KLHL22: variants seen among roughly 807,000 people sequenced by gnomAD.
The protein encoded by KLHL22 is kelch-like protein 22.
KLHL22 carries 18 observed loss-of-function variants against 60.7 expected under a neutral mutation model. The observed-to-expected ratio is 0.30, with a 90% CI of 0.20 to 0.44. The LOEUF (loss-of-function observed/expected upper bound fraction) is 0.44. Among genes scored for constraint, KLHL22 ranks in the 20% least tolerant of loss-of-function variants. The pLI is 1.00. For missense variants in KLHL22, 596 were observed against 852.3 expected, an observed-to-expected ratio of 0.70 and a Z score of 3.74; for synonymous variants, 355 against 354.5, an observed-to-expected ratio of 1.00 and a Z score of -0.01.
chr22:20,491,219 T>G (rs372797503), intron 1 of KLHL22: 2 of 152,238 alleles, frequency 1.3e-5, no homozygotes, highest in South Asian at 2.1e-4. Flanking sequence ...TTTAGGAGCC[T>G]CCATGTGTTC....
chr22:20,457,449 C>T (rs978250251), intron 5 of KLHL22, among the ~76,000 whole-genome samples: 3 of 152,058 alleles, frequency 2.0e-5, no homozygotes, highest in African/African-American at 7.2e-5. Context: ...TGGAAGTGTC[C>T]CAGCTCGTCT....
intron 1 of KLHL22, chr22:20,492,055 C>G (rs1042814914): frequency 2.0e-5 from 3 of 152,380 alleles, no homozygotes; most frequent in African/African-American, 7.2e-5. Flanking sequence ...TGACCTCTCT[C>G]TTTCATCCCA....
chr22:20,485,809 A>C (rs947635400), intron 2 of KLHL22, among the ~76,000 whole-genome samples: 2 of 151,994 alleles, frequency 1.3e-5, no homozygotes, highest in African/African-American at 4.8e-5. Context: ...CAGAGGTTGC[A>C]GTGAGCCGAG....
chr22:20,459,104 C>G (rs1456039204), intron 4 of KLHL22, among the ~76,000 whole-genome samples: 1 of 152,214 alleles, frequency 6.6e-6, no homozygotes, highest in African/African-American at 2.4e-5. Context: ...GAGCTCAAAG[C>G]CAGTATCTGA....
chr22:20,489,295 C>T (rs1187766196), intron 1 of KLHL22, 51 bp from the exon 2 acceptor site: 1 of 1,343,026 alleles, frequency 7.4e-7, no homozygotes, highest in Admixed American at 1.9e-5. Context: ...GCATCAGCCC[C>T]ACCACACACA....
intron 5 of KLHL22, among the ~76,000 whole-genome samples, chr22:20,455,922 G>T (rs547161596): frequency 4.5e-4 from 69 of 152,326 alleles, no homozygotes; most frequent in African/African-American, 1.6e-3. Context: ...TCCCATGCCA[G>T]TTGGGGCGAT....
chr22:20,451,643 C>A, intron 5 of KLHL22: 1 of 1,606,058 alleles, frequency 6.2e-7, no homozygotes, highest in East Asian at 2.2e-5. Context: ...ATGACCACTC[C>A]ACGATGCTAT....
At chr22:20,447,221 G>A (rs1159344541) in intron 5 of KLHL22, among the ~76,000 whole-genome samples, 1 of 152,174 alleles carries the variant, frequency 6.6e-6, no homozygotes, top group East Asian at 1.9e-4. Flanking sequence ...CCTCTGTTGG[G>A]CTATCTCCAT....
At chr22:20,494,369 G>A (rs976274241) in intron 1 of KLHL22, among the ~76,000 whole-genome samples, 3 of 151,986 alleles carry the variant, frequency 2.0e-5, no homozygotes, top group Non-Finnish European at 4.4e-5. Flanking sequence ...TCACCACTGC[G>A]CCCGGCTAAT....
At chr22:20,486,670 G>A (rs1226209348) in intron 2 of KLHL22, among the ~76,000 whole-genome samples, 1 of 149,302 alleles carries the variant, frequency 6.7e-6, no homozygotes, top group African/African-American at 2.5e-5. Flanking sequence ...CTTGGGAATG[G>A]TCTATTTCTT....
At chr22:20,482,011 G>C (rs548003853) in intron 2 of KLHL22, 1 of 152,286 alleles carries the variant, frequency 6.6e-6, no homozygotes, top group East Asian at 1.9e-4. Context: ...TGGGAGTTTT[G>C]ACCTGGTCCA....
At position 20,492,231 on chromosome 22, in the gene KLHL22, A is replaced by G. The variant is rs185350573; in HGVS notation, c.-33-2987T>C. Among the ~76,000 whole-genome samples, 5 of 152,052 alleles carry G rather than the reference A, an allele frequency of 3.3e-5. No individual in the cohort carries two copies. In the East Asian group the frequency reaches 9.7e-4, roughly 29 times the overall value. On this transcript the variant is annotated intron_variant, in intron 1 of 6. Transcript: ENST00000328879. ...CACTGTTTTAATATTTTTCCTTTCTAACCCATGTGCCCTATGAACCTACTA... is the reference window on the plus strand; with the variant it reads ...CACTGTTTTAATATTTTTCCTTTCTGACCCATGTGCCCTATGAACCTACTA...
chr22:20,489,938 A>T, intron 1 of KLHL22: 2 of 377,782 alleles, frequency 5.3e-6, no homozygotes, highest in Non-Finnish European at 1.1e-5. Context: ...ATTAAAGATT[A>T]TCTTCTAATA....
intron 6 of KLHL22, among the ~76,000 whole-genome samples, chr22:20,446,052 C>T (rs1210625926): frequency 1.3e-5 from 2 of 152,222 alleles, no homozygotes; most frequent in Non-Finnish European, 2.9e-5. Context: ...TGTGCCACCA[C>T]ATCCGGCCTA....
chr22:20,450,250 T>C lies in KLHL22; in HGVS notation c.1306-3574A>G, dbSNP rs2052954424. 9 of 898,702 alleles carry C rather than the reference T, an allele frequency of 1.0e-5. 1 individual carries two copies. The South Asian group carries it at 1.2e-4, about 12-fold the overall frequency. The allele number at this position is 898,702 out of a possible 1,614,324, so 55.7% of individuals were successfully genotyped here. ...TGACATTGAGTAGAGCAGAAAGACT[T>C]TCCTGCCCATGAGATTGTGCTGGCT... is the stretch of plus-strand genomic sequence containing the variant. On this transcript the variant is annotated intron_variant, in intron 5 of 6. Coordinates refer to ENST00000328879, the MANE Select transcript of KLHL22 (RefSeq NM_032775.4).
At position 20,442,423 on chromosome 22, in the gene KLHL22, A is replaced by C. The variant is rs779553223; in HGVS notation, c.1555T>G (p.Cys519Gly). 2 of 1,594,498 alleles carry C rather than the reference A, an allele frequency of 1.3e-6. No homozygotes were observed. The highest frequency in any genetic ancestry group is 1.7e-6 in the Non-Finnish European group (2 of 1,167,824). ...RDVHQVACYS[C>G]TSGQWSSVCP... Reference sequence around the variant, plus strand: ...ACAGATGACCACTGTCCAGACGTGCAGCTGTAGCAGGCCACCTGCAAAGCC... The same window carrying C: ...ACAGATGACCACTGTCCAGACGTGCCGCTGTAGCAGGCCACCTGCAAAGCC... The change falls in exon 7 of 7, where the codon TGC becomes GGC. Residue 519 changes from cysteine (C) to glycine (G), a missense_variant. Coordinates refer to ENST00000328879, the MANE Select transcript of KLHL22 (RefSeq NM_032775.4).
In KLHL22 at chr22:20,446,530, G is replaced by A; in HGVS notation, c.1452C>T (p.Ala484=). The change falls in exon 6 of 7, where the codon GCC becomes GCT. Residue 484 remains alanine, a synonymous_variant. Coordinates refer to ENST00000328879, the MANE Select transcript of KLHL22 (RefSeq NM_032775.4). ...TGAGGAGGGTTGCCATGCCGTGCCA[G>A]GCGCGCCGCACAGGCCCATCAGCCA... ...HTLADGPVRR[A]WHGMATLLNK... is the part of the protein sequence containing the mutation. 1 of 1,613,736 alleles carries A rather than the reference G, an allele frequency of 6.2e-7. No homozygotes were observed. The highest frequency in any genetic ancestry group is 8.5e-7 in the Non-Finnish European group (1 of 1,180,034).
intron 2 of KLHL22, among the ~76,000 whole-genome samples, chr22:20,488,322 G>A (rs1373748735): frequency 6.6e-6 from 1 of 152,192 alleles, no homozygotes; most frequent in African/African-American, 2.4e-5. Context: ...TAAGGGTGGT[G>A]ACACCCACCT....
intron 2 of KLHL22, among the ~76,000 whole-genome samples, chr22:20,477,330 G>A (rs1247887809): frequency 6.6e-6 from 1 of 151,976 alleles, no homozygotes; most frequent in Non-Finnish European, 1.5e-5. Context: ...GGCGGAGGTT[G>A]CAGTGAGCTG....
Sources: allele counts gnomAD v4.1 joint callset (sites outside exome capture counted in the v4.1 genomes callset), GRCh38; gene constraint gnomAD v4.1.1; transcripts MANE v1.5; gene names NCBI Gene and HGNC (gene_info 2026-07-23, HGNC 2026-07-21).